The following CDC25C variants were observed in gnomAD, a reference collection of about 807,000 sequenced individuals.
CDC25C encodes M-phase inducer phosphatase 3.
Under a neutral mutation model 52.5 loss-of-function variants are expected in CDC25C, and 48 were observed. The ratio of observed to expected loss-of-function variants is 0.91; its 90% CI spans 0.72 to 1.16. The LOEUF (loss-of-function observed/expected upper bound fraction) is 1.16, where lower values mean the gene tolerates loss of function less well. Ranked by LOEUF, CDC25C falls within the 50% of genes most tolerant of loss-of-function variation. The pLI is 0.00. For synonymous variants in CDC25C, 187 were observed against 206.5 expected (o/e 0.91, Z 0.81); for missense variants, 510 against 566.1 (o/e 0.90, Z 1.01).
At chr5:138,328,156 C>T (rs1345972935) in intron 4 of CDC25C, among the ~76,000 whole-genome samples, 1 of 152,172 alleles carries the variant, frequency 6.6e-6, no homozygotes, top group Non-Finnish European at 1.5e-5. Flanking sequence ...TGTAAGCCAC[C>T]GTGTCCGGCC....
At chr5:138,299,306 G>A (rs2126700484) in intron 7 of CDC25C, among the ~76,000 whole-genome samples, 1 of 151,472 alleles carries the variant, frequency 6.6e-6, no homozygotes, top group East Asian at 1.9e-4. Flanking sequence ...GACCAGCCTG[G>A]CCAACAGAGT....
At chr5:138,326,917 A>ACGAT (rs1759913230) in intron 4 of CDC25C, among the ~76,000 whole-genome samples, 1 of 137,158 alleles carries the variant, frequency 7.3e-6, no homozygotes, top group Non-Finnish European at 1.5e-5. Context: ...GCGCCATTGC[A>ACGAT]CTTAAGCCTA....
At chr5:138,289,394 T>C in intron 10 of CDC25C, 107 bp downstream of exon 10, 1 of 790,902 alleles carries the variant, frequency 1.3e-6, no homozygotes, top group Admixed American at 2.0e-5. Flanking sequence ...GGAGCCTGTG[T>C]GAGTGAACAC....
intron 7 of CDC25C, among the ~76,000 whole-genome samples, chr5:138,318,227 C>A (rs1267040513): frequency 6.6e-6 from 1 of 152,134 alleles, no homozygotes; most frequent in African/African-American, 2.4e-5. Flanking sequence ...GCAAGAGAAT[C>A]ACTTAAACCC....
chr5:138,338,305 G>A, exon 1 of CDC25C: 1 of 590,230 alleles, frequency 1.7e-6, no homozygotes, highest in Non-Finnish European at 2.8e-6. Context: ...TGGAGGAACC[G>A]CGGTAGGTGG....
At chr5:138,286,439 G>A in intron 12 of CDC25C, 58 bp downstream of exon 12, 1 of 1,543,780 alleles carries the variant, frequency 6.5e-7, no homozygotes, top group South Asian at 1.2e-5. Flanking sequence ...GAACTGGTGT[G>A]GGAAGTCCAA....
chr5:138,288,194 G>T (rs1216360042), intron 10 of CDC25C, among the ~76,000 whole-genome samples: 1 of 152,028 alleles, frequency 6.6e-6, no homozygotes, highest in Non-Finnish European at 1.5e-5. Flanking sequence ...TCCTGCCTCA[G>T]CCTCCCGAGT....
rs755658883 is a variant in CDC25C at position 138,325,911 on chromosome 5, AAG to A, written c.370-9_370-8del. 1.5e-4 allele frequency: 236 copies of A among 1,614,060 alleles called. 3 individuals carry two copies. In the Middle Eastern group the frequency reaches 8.9e-3, roughly 61 times the overall value. On this transcript the variant is annotated splice_region_variant and splice_polypyrimidine_tract_variant and intron_variant, in intron 5 of 13. Transcript: ENST00000323760. ...TGCTACAAAGAAGCTGTGCCTAAAA[AAG>A]AGAGTTTGCTGAGAACGTCCAGCAT...
At chr5:138,310,874 A>C (rs1401955469) in intron 7 of CDC25C, among the ~76,000 whole-genome samples, 1 of 152,222 alleles carries the variant, frequency 6.6e-6, no homozygotes, top group African/African-American at 2.4e-5. Context: ...GTTATGTTTT[A>C]ACTTTTCCAT....
chr5:138,287,450 A>C (rs1756348770), intron 10 of CDC25C, among the ~76,000 whole-genome samples, 183 bp from the exon 11 acceptor site: 2 of 152,214 alleles, frequency 1.3e-5, no homozygotes, highest in African/African-American at 4.8e-5. Context: ...ATGAAACAGG[A>C]AGTGGCCCTT....
At chr5:138,309,987 A>G (rs895926375) in intron 7 of CDC25C, among the ~76,000 whole-genome samples, 3 of 152,118 alleles carry the variant, frequency 2.0e-5, no homozygotes, top group African/African-American at 7.2e-5. Context: ...GATTACAGGC[A>G]TGAGCCACTG....
intron 4 of CDC25C, among the ~76,000 whole-genome samples, chr5:138,326,587 C>T (rs893171500): frequency 1.4e-4 from 22 of 152,190 alleles, no homozygotes; most frequent in Admixed American, 3.9e-4. Context: ...GTGATCCGCC[C>T]GCCTCAGCCT....
At chr5:138,287,963 AT>A in intron 10 of CDC25C, among the ~76,000 whole-genome samples, 1 of 152,368 alleles carries the variant, frequency 6.6e-6, no homozygotes, top group East Asian at 1.9e-4. Flanking sequence ...TGTCAGTAGA[AT>A]AGAGCGGCAT....
intron 7 of CDC25C, among the ~76,000 whole-genome samples, chr5:138,315,169 C>A (rs577872085): frequency 7.2e-5 from 11 of 151,844 alleles, no homozygotes; most frequent in Non-Finnish European, 1.2e-4. Flanking sequence ...CCTGACCACC[C>A]GCTTCGGCCT....
rs2126634900 is a variant in CDC25C at position 138,286,108 on chromosome 5, T to C, written c.1186A>G (p.Arg396Gly). 2 of 1,613,918 alleles carry C rather than the reference T, an allele frequency of 1.2e-6. No homozygotes were observed. Among genetic ancestry groups the C allele is most frequent in the South Asian group, 1.1e-5 (1 of 91,060 alleles). Residue 396 changes from arginine (R) to glycine (G), a missense_variant, in exon 13 of 14, where the codon AGG (arginine) becomes GGG (glycine). Coordinates refer to ENST00000323760, the MANE Select transcript of CDC25C (RefSeq NM_001790.5). ...AATGCAGGATACTGGTTCAGAGACCTGTCCTCTTCACGCAGACAGCGGCAC... is the reference window on the plus strand; with the variant it reads ...AATGCAGGATACTGGTTCAGAGACCCGTCCTCTTCACGCAGACAGCGGCAC... ...RMCRCLREED[R>G]SLNQYPALYY...
intron 7 of CDC25C, among the ~76,000 whole-genome samples, chr5:138,294,499 ATTT>A (rs762737768): frequency 3.1e-5 from 3 of 95,974 alleles, no homozygotes; most frequent in Admixed American, 1.2e-4. Context: ...CACTCAGCTA[ATTT>A]TTTTTTTTTT....
At chr5:138,323,853 G>A (rs1759629929) in intron 6 of CDC25C, among the ~76,000 whole-genome samples, 1 of 151,534 alleles carries the variant, frequency 6.6e-6, no homozygotes, top group African/African-American at 2.4e-5. Flanking sequence ...AGCTGCTCAG[G>A]AGGCTGAGGC....
chr5:138,312,785 T>C (rs1197110747), intron 7 of CDC25C, among the ~76,000 whole-genome samples: 1 of 152,192 alleles, frequency 6.6e-6, no homozygotes, highest in Admixed American at 6.5e-5. Flanking sequence ...TGGGAATGTA[T>C]GTAATACTAC....
chr5:138,289,596 G>A lies in CDC25C; in HGVS notation c.865-33C>T, dbSNP rs1469546590. 3 of 1,560,774 alleles carry A rather than the reference G, an allele frequency of 1.9e-6. No homozygotes were observed. The East Asian group carries it at 6.7e-5, about 35-fold the overall frequency. On this transcript the variant is annotated intron_variant, in intron 9 of 13. Transcript: ENST00000323760. ...TACACAAGAGCTGAAATAACAGCAA[G>A]TATTCCACACCCAAGTTTGAGATCA...
Sources: gnomAD v4.1 joint callset for allele counts (sites outside exome capture counted in the v4.1 genomes callset) on GRCh38, gnomAD v4.1.1 for gene constraint, MANE v1.5 for transcripts, NCBI Gene and HGNC (gene_info 2026-07-23, HGNC 2026-07-21) for gene names.